The following CWC25 variants were observed in gnomAD, a reference collection of about 807,000 sequenced individuals.
CWC25 encodes pre-mRNA-splicing factor CWC25 homolog.
A neutral mutation model predicts 54.6 loss-of-function variants in CWC25; 31 were observed. The ratio of observed to expected loss-of-function variants is 0.57; its 90% CI spans 0.43 to 0.77. The LOEUF (loss-of-function observed/expected upper bound fraction) is 0.77, where lower values mean the gene tolerates loss of function less well. Ranked by LOEUF, CWC25 falls within the 30% of genes least tolerant of loss-of-function variation. The pLI, the probability that CWC25 is intolerant of heterozygous loss-of-function variation, is 0.00. For synonymous variants in CWC25, 151 were observed against 187.0 expected (o/e 0.81, Z 1.57); for missense variants, 453 against 529.3 (o/e 0.86, Z 1.41).
At chr17:38,821,707 T>C (rs1212213164) in intron 1 of CWC25, among the ~76,000 whole-genome samples, 1 of 151,970 alleles carries the variant, frequency 6.6e-6, no homozygotes, top group African/African-American at 2.4e-5. Context: ...ACAGGAGGAA[T>C]GCAGTAATGA....
chr17:38,805,466 T>G (rs1425427148), intron 8 of CWC25, among the ~76,000 whole-genome samples: 1 of 152,130 alleles, frequency 6.6e-6, no homozygotes, highest in Non-Finnish European at 1.5e-5. Flanking sequence ...TAGCTTTTGT[T>G]TTTTTAAATG....
At position 38,806,347 on chromosome 17, in the gene CWC25, T is replaced by A; in HGVS notation, c.951A>T (p.Pro317=). The part of the protein sequence containing the change: ...NRRETGQTRS[P]SPKKEVYQRR... ...TTTGGTAGACCTCTTTTTTAGGTGA[T>A]GGGCTCCTAGTTTGGCCTGTCTCTC... The change falls in exon 8 of 10, where the codon CCA becomes CCT. Residue 317 remains proline, a synonymous_variant. Coordinates refer to ENST00000614790, the MANE Select transcript of CWC25 (RefSeq NM_017748.5). The A allele has an allele frequency of 6.2e-7, 1 of 1,613,702 alleles. No individual in the cohort carries two copies. The highest frequency in any genetic ancestry group is 8.5e-7 in the Non-Finnish European group (1 of 1,179,796).
chr17:38,806,228 G>T, intron 8 of CWC25, 69 bp downstream of exon 8: 1 of 1,310,812 alleles, frequency 7.6e-7, no homozygotes, highest in African/African-American at 1.5e-5. Flanking sequence ...TTATCCATTT[G>T]CCATGGTTTG....
In CWC25 at chr17:38,825,195, C is replaced by G; in HGVS notation, c.-12G>C. 6.3e-7 allele frequency: 1 copy of G among 1,590,130 alleles called. No homozygotes were observed. Among genetic ancestry groups the G allele is most frequent in the South Asian group, 1.1e-5 (1 of 87,512 alleles). On this transcript the variant is annotated 5_prime_UTR_variant, in exon 1 of 10. Transcript: ENST00000614790. ...TCTCCGCCCCCCATGACGGTGGAGA[C>G]GATTCCTCACTACGCGGATCTGGAA...
rs1310665204 is a variant in CWC25 at position 38,801,205 on chromosome 17, T to A, written c.*887A>T. The A allele has an allele frequency of 6.6e-6, 1 of 152,148 alleles. No individual in the cohort carries two copies. Among genetic ancestry groups the A allele is most frequent in the African/African-American group, 2.4e-5 (1 of 41,414 alleles). 9.4% of individuals were successfully genotyped at this position (152,148 alleles called of 1,614,324 possible). On this transcript the variant is annotated 3_prime_UTR_variant, in exon 10 of 10. Transcript: ENST00000614790. Reference sequence around the variant, plus strand: ...TGAAGCCGCAAAATAAAAACTTCCATTTTATTTTCCTTTAGGAGCCATGGA... The same window carrying A: ...TGAAGCCGCAAAATAAAAACTTCCAATTTATTTTCCTTTAGGAGCCATGGA...
intron 6 of CWC25, 45 bp downstream of exon 6, chr17:38,809,657 C>A: frequency 6.3e-7 from 1 of 1,575,812 alleles, no homozygotes; most frequent in Non-Finnish European, 8.7e-7. Context: ...AGTGGCACAT[C>A]CCACAGTCCC....
chr17:38,820,947 C>T lies in CWC25; in HGVS notation c.145G>A (p.Ala49Thr), dbSNP rs1208567190. ...GCATAGCGCTGCATCTCTTCCCGGG[C>T]TCTCTCTTCTCGCAGCTCCCGCTGA... ...ELQRELREER[A>T]REEMQRYAED... The change falls in exon 2 of 10, where the codon GCC becomes ACC. Residue 49 changes from alanine (A) to threonine (T), a missense_variant. Ala to Thr is a moderately conservative substitution (Grantham distance 58). Around this residue, in one of 2 missense-constraint regions of CWC25, gnomAD observed 444 missense variants for 499.2 expected, o/e 0.89. Transcript: ENST00000614790. The T allele has an allele frequency of 4.3e-6, 7 of 1,613,966 alleles. No homozygotes were observed. The highest frequency in any genetic ancestry group is 5.9e-6 in the Non-Finnish European group (7 of 1,179,886).
In CWC25 at chr17:38,809,919, T is replaced by C. The variant is rs1911414803; in HGVS notation, c.627-154A>G. 7.9e-6 allele frequency: 5 copies of C among 632,288 alleles called. No homozygotes were observed. In the Admixed American group the frequency reaches 9.4e-5, roughly 12 times the overall value. The allele number at this position is 632,288 out of a possible 1,614,324, so 39.2% of individuals were successfully genotyped here. A position where few individuals can be genotyped will look rare whatever the true frequency, so the allele number is the denominator to read the frequency against. On this transcript the variant is annotated intron_variant, in intron 5 of 9. Transcript: ENST00000614790. ...TACGTTTCTCTATTTGGACTGTCTA[T>C]GCCGAAAAATGCATCAGCACAATCA...
At position 38,825,232 on chromosome 17, in the gene CWC25, G is replaced by A; in HGVS notation, c.-49C>T. 4 of 1,565,868 alleles carry A rather than the reference G, an allele frequency of 2.6e-6. No homozygotes were observed. Among genetic ancestry groups the A allele is most frequent in the Non-Finnish European group, 3.5e-6 (4 of 1,156,352 alleles). On this transcript the variant is annotated 5_prime_UTR_variant, in exon 1 of 10. Coordinates refer to ENST00000614790, the MANE Select transcript of CWC25 (RefSeq NM_017748.5). ...ACGCGGATCTGGAAGATTTCGGGAG[G>A]ATCAAGAGAAAACGTAGAGAAATAG...
At chr17:38,812,181 C>A (rs957266016) in intron 4 of CWC25, among the ~76,000 whole-genome samples, 1 of 152,078 alleles carries the variant, frequency 6.6e-6, no homozygotes, top group African/African-American at 2.4e-5. Flanking sequence ...AGGTGATCCA[C>A]CCGCCTCGGC....
intron 3 of CWC25, 70 bp downstream of exon 3, chr17:38,814,791 G>T: frequency 1.3e-5 from 10 of 756,740 alleles, no homozygotes; most frequent in Non-Finnish European, 2.0e-5. Context: ...TGTAAAGCAA[G>T]AGAATCAATG....
rs866609460 is a variant in CWC25 at position 38,808,368 on chromosome 17, C to T, written c.690+1334G>A. ...TTGCACTCCAGCCTGGGCGACAGAG[C>T]GAGACTCCCTCTCAAAAAAAAAAAA... is the stretch of plus-strand genomic sequence containing the variant. On this transcript the variant is annotated intron_variant, in intron 6 of 9. Coordinates refer to ENST00000614790, the MANE Select transcript of CWC25 (RefSeq NM_017748.5). Among the ~76,000 whole-genome samples, 157 of 127,086 alleles carry T rather than the reference C, an allele frequency of 1.2e-3. 26 individuals are homozygous for T. Among genetic ancestry groups the T allele is most frequent in the African/African-American group, 4.3e-3 (150 of 34,924 alleles). The allele number at this position is 127,086 out of a possible 152,430, so 83.4% of individuals were successfully genotyped here. A position where few individuals can be genotyped will look rare whatever the true frequency, so the allele number is the denominator to read the frequency against.
At chr17:38,820,751 G>T in intron 2 of CWC25, 150 bp downstream of exon 2, 1 of 898,920 alleles carries the variant, frequency 1.1e-6, no homozygotes, top group Non-Finnish European at 1.7e-6. Context: ...TCCACAGCTA[G>T]TACATGCAAA....
At chr17:38,807,049 C>G (rs1158462296) in intron 6 of CWC25, 73 bp from the exon 7 acceptor site, 2 of 1,213,880 alleles carry the variant, frequency 1.6e-6, no homozygotes, top group Non-Finnish European at 2.3e-6. Flanking sequence ...CGGCCGGGCT[C>G]AGTGGCTCAC....
chr17:38,806,626 A>C, intron 7 of CWC25, 139 bp downstream of exon 7: 1 of 872,000 alleles, frequency 1.1e-6, no homozygotes. Flanking sequence ...GGTGGAAAAA[A>C]AAAATGATGT....
intron 3 of CWC25, among the ~76,000 whole-genome samples, chr17:38,814,607 G>A (rs1174377524): frequency 3.3e-5 from 5 of 151,372 alleles, no homozygotes; most frequent in African/African-American, 7.3e-5. Flanking sequence ...TTAGCCAGGC[G>A]TGGTGGTGGG....
Position 38,801,094 on chromosome 17 carries a change from T to G in CWC25, c.*998A>C, listed in dbSNP as rs1246973012. ...GCCACCGCGCCCAGCCTGTTTTTTG[T>G]TTTTTTTTTAGTACCTGACTGAAAG... On this transcript the variant is annotated 3_prime_UTR_variant, in exon 10 of 10. Coordinates refer to ENST00000614790, the MANE Select transcript of CWC25 (RefSeq NM_017748.5). The G allele has an allele frequency of 1.6e-5, 2 of 121,248 alleles. No individual in the cohort carries two copies. The highest frequency in any genetic ancestry group is 5.4e-5 in the African/African-American group (1 of 18,450). 7.5% of individuals were successfully genotyped at this position (121,248 alleles called of 1,614,324 possible). A position where few individuals can be genotyped will look rare whatever the true frequency, so the allele number is the denominator to read the frequency against.
chr17:38,804,008 G>A (rs1027737337), intron 8 of CWC25, among the ~76,000 whole-genome samples: 4 of 152,118 alleles, frequency 2.6e-5, no homozygotes, highest in East Asian at 1.9e-4. Flanking sequence ...TCGCCCCACT[G>A]CACTCCAACC....
At position 38,810,461 on chromosome 17, in the gene CWC25, T is replaced by A. The variant is rs755658960; in HGVS notation, c.626+7A>T. 1.3e-6 allele frequency: 2 copies of A among 1,551,240 alleles called. No individual in the cohort carries two copies. The highest frequency in any genetic ancestry group is 2.5e-5 in the South Asian group (2 of 80,378). On this transcript the variant is annotated splice_region_variant and intron_variant, in intron 5 of 9. Coordinates refer to ENST00000614790, the MANE Select transcript of CWC25 (RefSeq NM_017748.5). ...ACGAGAAGGGAGGCCAGTCGCCACATGCTCACCTCCCTGCACTGTGCTCAT... is the reference window on the plus strand; with the variant it reads ...ACGAGAAGGGAGGCCAGTCGCCACAAGCTCACCTCCCTGCACTGTGCTCAT...
Sources: allele counts gnomAD v4.1 joint callset (sites outside exome capture counted in the v4.1 genomes callset), GRCh38; gene constraint gnomAD v4.1.1; regional missense constraint gnomAD v4.1.1; transcripts MANE v1.5; gene names NCBI Gene and HGNC (gene_info 2026-07-23, HGNC 2026-07-21).